The following ART4 variants were observed in gnomAD, a reference collection of about 807,000 sequenced individuals.
The protein encoded by ART4 is ecto-ADP-ribosyltransferase 4.
Under a neutral mutation model 24.2 loss-of-function variants are expected in ART4, and 14 were observed. The ratio of observed to expected loss-of-function variants is 0.58; its 90% confidence interval spans 0.38 to 0.90. The LOEUF is 0.90. ART4 is among the 40% of genes least tolerant of loss of function. The pLI, the probability that ART4 is intolerant of heterozygous loss-of-function variation, is 0.00. For missense variants in ART4, 356 were observed against 366.6 expected (o/e 0.97, Z 0.24); for synonymous variants, 145 against 139.9 (o/e 1.04, Z -0.26).
In ART4 at chr12:14,828,253, C is replaced by T. The variant is rs1950371839; in HGVS notation, c.*1118G>A. On this transcript the variant is annotated 3_prime_UTR_variant, in exon 3 of 3. Transcript: ENST00000228936. Reference sequence around the variant, plus strand: ...CTCTGTTAACCTTCACACATACCCTCATGTTTTCCTAATATTTAAATTTGC... The same window carrying T: ...CTCTGTTAACCTTCACACATACCCTTATGTTTTCCTAATATTTAAATTTGC... 1 of 152,176 alleles carries T rather than the reference C, an allele frequency of 6.6e-6. No homozygotes were observed. Among genetic ancestry groups the T allele is most frequent in the Admixed American group, 6.5e-5 (1 of 15,280 alleles). 9.4% of individuals were successfully genotyped at this position (152,176 alleles called of 1,614,324 possible). A position where few individuals can be genotyped will look rare whatever the true frequency, so the allele number is the denominator to read the frequency against.
In ART4 at chr12:14,840,525, A is replaced by G. The variant is rs753851801; in HGVS notation, c.773T>C (p.Met258Thr). ...CCAGTCTCCTCTTGGGTGGTAGCTC[A>G]TATTTATAACTTTAAACAGCTCATA... ...PPYELFKVIN[M>T]SYHPRGDWLQ... Residue 258 changes from methionine (M) to threonine (T), a missense_variant, in exon 2 of 3, where the codon ATG (methionine) becomes ACG (threonine). Met to Thr is a moderately conservative substitution (Grantham distance 81). Transcript: ENST00000228936. 18 of 1,614,092 alleles carry G rather than the reference A, an allele frequency of 1.1e-5. No individual in the cohort carries two copies. Among genetic ancestry groups the G allele is most frequent in the Non-Finnish European group, 1.4e-5 (16 of 1,179,930 alleles).
Position 14,841,152 on chromosome 12 carries a change from AC to A in ART4, c.145del (p.Val49LeufsTer29). The A allele has an allele frequency of 6.4e-7, 1 of 1,568,688 alleles. No individual in the cohort carries two copies. Among genetic ancestry groups the A allele is most frequent in the East Asian group, 2.2e-5 (1 of 44,616 alleles). The stretch of plus-strand genomic sequence containing the variant: ...GAAGTCGAAGTCGATTTTAATTGCA[AC>A]CTGTAAAAAAAGAAAAATCTTGAGT... ...GLQRPTEGSE[V>X]AIKIDFDFAP... On this transcript the variant is annotated frameshift_variant and splice_region_variant, in exon 2 of 3. Transcript: ENST00000228936. LOFTEE classifies it high-confidence loss of function.
At position 14,828,791 on chromosome 12, in the gene ART4, A is replaced by T. The variant is rs1410849646; in HGVS notation, c.*580T>A. 6.6e-6 allele frequency: 1 copy of T among 152,196 alleles called. No homozygotes were observed. The highest frequency in any genetic ancestry group is 6.5e-5 in the Admixed American group (1 of 15,278). The allele number at this position is 152,196 out of a possible 1,614,324, so 9.4% of individuals were successfully genotyped here. A position where few individuals can be genotyped will look rare whatever the true frequency, so the allele number is the denominator to read the frequency against. ...CAAAGTTGGATCCAGAGGCTTATAC[A>T]TTCTCATCAGGTCTCAGTTTCTTTT... On this transcript the variant is annotated 3_prime_UTR_variant, in exon 3 of 3. Transcript: ENST00000228936.
chr12:14,830,716 AT>A (rs58269775), intron 2 of ART4, among the ~76,000 whole-genome samples: 1,493 of 73,070 alleles, frequency 0.02, 47 homozygotes, highest in African/African-American at 0.063. Context: ...TTTCTGTCTT[AT>A]TTTTTTGAGT....
In ART4 at chr12:14,840,609, G is replaced by A. The variant is rs1950461730; in HGVS notation, c.689C>T (p.Thr230Ile). The change falls in exon 2 of 3, where the codon ACC (threonine) becomes ATC (isoleucine). Residue 230 changes from threonine (T) to isoleucine (I), a missense_variant. Thr to Ile is a moderately conservative substitution (Grantham distance 89, BLOSUM62 -1). Transcript: ENST00000228936. ...FGNQTLFTIF[T>I]CLGAPVQYFS... is the part of the protein sequence containing the mutation. Reference sequence around the variant, plus strand: ...GTACTGTACAGGTGCACCCAGGCAGGTGAATATGGTAAATAGTGTCTGGTT... The same window carrying A: ...GTACTGTACAGGTGCACCCAGGCAGATGAATATGGTAAATAGTGTCTGGTT... 1 of 1,614,168 alleles carries A rather than the reference G, an allele frequency of 6.2e-7. No individual in the cohort carries two copies. The highest frequency in any genetic ancestry group is 8.5e-7 in the Non-Finnish European group (1 of 1,180,030).
chr12:14,838,811 G>A lies in ART4; in HGVS notation c.853+1634C>T, dbSNP rs117409667. Among the ~76,000 whole-genome samples, 499 of 152,092 alleles carry A rather than the reference G, an allele frequency of 3.3e-3. 10 individuals carry two copies. The South Asian group carries it at 0.042, about 13-fold the overall frequency. On this transcript the variant is annotated intron_variant, in intron 2 of 2. Coordinates refer to ENST00000228936, the MANE Select transcript of ART4 (RefSeq NM_021071.4). Reference sequence around the variant, plus strand: ...TAAATCATAGCAATAATGATAAAGCGAAGACAAATTTGGGGATATATTGAA... The same window carrying A: ...TAAATCATAGCAATAATGATAAAGCAAAGACAAATTTGGGGATATATTGAA...
chr12:14,830,976 A>G (rs1319019560), intron 2 of ART4, among the ~76,000 whole-genome samples: 1 of 151,892 alleles, frequency 6.6e-6, no homozygotes, highest in Non-Finnish European at 1.5e-5. Context: ...ACTGAGGCTA[A>G]AGATCACAAG....
chr12:14,835,562 C>G (rs1279153652), intron 2 of ART4, among the ~76,000 whole-genome samples: 1 of 151,898 alleles, frequency 6.6e-6, no homozygotes, highest in African/African-American at 2.4e-5. Context: ...AAGAAACAAA[C>G]AAACAACACT....
Position 14,835,497 on chromosome 12 carries a change from T to C in ART4, c.853+4948A>G, listed in dbSNP as rs543689696. On this transcript the variant is annotated intron_variant, in intron 2 of 2. Coordinates refer to ENST00000228936, the MANE Select transcript of ART4 (RefSeq NM_021071.4). ...ACTTATCAGTTAAAATAAATCACTT[T>C]AAGGACCTTTCTGATGTTCCTTCGC... 1.5e-3 allele frequency among the ~76,000 whole-genome samples: 233 copies of C among 152,292 alleles called. 1 individual carries two copies. Among genetic ancestry groups the C allele is most frequent in the African/African-American group, 5.4e-3 (224 of 41,542 alleles).
At position 14,840,908 on chromosome 12, in the gene ART4, G is replaced by A; in HGVS notation, c.390C>T (p.Ser130=). 1 of 1,614,206 alleles carries A rather than the reference G, an allele frequency of 6.2e-7. No individual in the cohort carries two copies. The highest frequency in any genetic ancestry group is 8.5e-7 in the Non-Finnish European group (1 of 1,180,024). The change falls in exon 2 of 3, where the codon AGC becomes AGT. Residue 130 remains serine, a synonymous_variant. Transcript: ENST00000228936. The stretch of plus-strand genomic sequence containing the variant: ...CTCTAGTAAAGTCAGAATGAACATT[G>A]CTGTTCAATGTATAAAACAAAATAG... ...AVAILFYTLN[S]NVHSDFTRAM...
rs1376729204 is a variant in ART4, at chr12:14,830,685, A to G, written c.854-1223T>C. On this transcript the variant is annotated intron_variant, in intron 2 of 2. Transcript: ENST00000228936. ...TATATATATATATATATATATATAT[A>G]TATATATATATATACAGTAATTTCT... is the stretch of plus-strand genomic sequence containing the variant. Among the ~76,000 whole-genome samples the G allele has an allele frequency of 7.8e-5, 9 of 115,086 alleles. 1 individual carries two copies. Among genetic ancestry groups the G allele is most frequent in the South Asian group, 2.7e-4 (1 of 3,658 alleles). 75.5% of individuals were successfully genotyped at this position (115,086 alleles called of 152,430 possible).
intron 2 of ART4, among the ~76,000 whole-genome samples, chr12:14,830,543 G>A (rs796174293): frequency 0.17 from 15,994 of 93,724 alleles, 1,192 homozygotes; most frequent in Middle Eastern, 0.27. Flanking sequence ...AGGAGTGTGT[G>A]TGTGTGTGTG....
intron 2 of ART4, among the ~76,000 whole-genome samples, chr12:14,831,294 G>A (rs1342733323): frequency 1.5e-5 from 2 of 137,262 alleles, no homozygotes; most frequent in South Asian, 2.3e-4. Context: ...TTTTTGAGAT[G>A]GGTCTTGCTC....
In ART4 at chr12:14,843,155, C is replaced by A. The variant is rs1863082232; in HGVS notation, c.-42G>T. The stretch of plus-strand genomic sequence containing the variant: ...TACTTCTCCTTTGCCCTTGCAGCTT[C>A]ATCCTGAGATGAATTCTCAGAGTTC... On this transcript the variant is annotated 5_prime_UTR_variant, in exon 1 of 3. The change abolishes an upstream ATG in the 5' untranslated region. Transcript: ENST00000228936. 6.2e-7 allele frequency: 1 copy of A among 1,609,696 alleles called. No homozygotes were observed. The highest frequency in any genetic ancestry group is 1.1e-5 in the South Asian group (1 of 90,458).
intron 2 of ART4, among the ~76,000 whole-genome samples, chr12:14,835,513 G>A (rs964682614): frequency 1.3e-5 from 2 of 152,086 alleles, no homozygotes; most frequent in African/African-American, 2.4e-5. Flanking sequence ...CCTTTCTGAT[G>A]TTCCTTCGCT....
chr12:14,830,119 A>AGTGTGTGTGT (rs113436435), intron 2 of ART4, among the ~76,000 whole-genome samples: 4,134 of 145,684 alleles, frequency 0.028, 81 homozygotes, highest in Non-Finnish European at 0.04. Flanking sequence ...TCCTGTTTGG[A>AGTGTGTGTGT]GTGTGTGTGT....
intron 2 of ART4, among the ~76,000 whole-genome samples, chr12:14,834,051 C>A (rs12099805): frequency 6.6e-6 from 1 of 152,178 alleles, no homozygotes. Context: ...GGCAGAGACA[C>A]CAATGCTATC....
At chr12:14,842,675 G>T (rs1041998900) in intron 1 of ART4, among the ~76,000 whole-genome samples, 1 of 151,950 alleles carries the variant, frequency 6.6e-6, no homozygotes, top group African/African-American at 2.4e-5. Flanking sequence ...AAATAGACTT[G>T]GTTTATTTTG....
In ART4 at chr12:14,843,008, GC is replaced by G; in HGVS notation, c.105del (p.Leu36SerfsTer42). 1 of 1,613,940 alleles carries G rather than the reference GC, an allele frequency of 6.2e-7. No individual in the cohort carries two copies. The highest frequency in any genetic ancestry group is 1.1e-5 in the South Asian group (1 of 91,024). On this transcript the variant is annotated frameshift_variant, in exon 1 of 3. Transcript: ENST00000228936. LOFTEE classifies it high-confidence loss of function. ...GTGGGTCTCTGCAGGCCAGAGAGGA[GC>G]AGCAGGAATGGCAGCAGGCCTCCAA... is the stretch of plus-strand genomic sequence containing the variant. ...WLLGGLLPFL[L>X]LLSGLQRPTE...
Sources: gnomAD v4.1 joint callset for allele counts (sites outside exome capture counted in the v4.1 genomes callset) on GRCh38, gnomAD v4.1.1 for gene constraint, MANE v1.5 for transcripts, NCBI Gene and HGNC (gene_info 2026-07-23, HGNC 2026-07-21) for gene names.